RGP1: variants seen among roughly 807,000 people sequenced by gnomAD.
RGP1 encodes RAB6A-GEF complex partner protein 2.
A neutral mutation model predicts 44.5 loss-of-function variants in RGP1; 28 were observed. That is an observed-to-expected ratio of 0.63 (90% CI 0.47 to 0.86). RGP1 has a LOEUF of 0.86. Ranked by LOEUF, RGP1 falls within the 40% of genes least tolerant of loss-of-function variation. The pLI, the probability that RGP1 is intolerant of heterozygous loss-of-function variation, is 0.00. For synonymous variants in RGP1, 212 were observed against 196.7 expected (o/e 1.08, Z -0.65); for missense variants, 417 against 490.7 (o/e 0.85, Z 1.42).
In RGP1 at chr9:35,753,591, G is replaced by T; in HGVS notation, c.*717G>T. The T allele has an allele frequency of 7.6e-7, 1 of 1,315,958 alleles. No individual in the cohort carries two copies. Among genetic ancestry groups the T allele is most frequent in the Non-Finnish European group, 1.1e-6 (1 of 927,544 alleles). 81.5% of individuals were successfully genotyped at this position (1,315,958 alleles called of 1,614,324 possible). On this transcript the variant is annotated 3_prime_UTR_variant, in exon 9 of 9. Transcript: ENST00000378078. This position sits in a 1 kb window ranked among gnomAD's most constrained non-coding sequence, Gnocchi z 4.2. ...TTCATTCTTACATCACAGCAATCTA[G>T]TCACTCCCTGGTCATCCCTCAGTCA...
At chr9:35,751,582 A>C in intron 6 of RGP1, 45 bp from the exon 7 acceptor site, 1 of 1,613,224 alleles carries the variant, frequency 6.2e-7, no homozygotes. Flanking sequence ...CCTAGACGTT[A>C]TCCAGTATGT....
In RGP1 at chr9:35,753,700, A is replaced by G; in HGVS notation, c.*826A>G. 6.2e-7 allele frequency: 1 copy of G among 1,614,154 alleles called. No homozygotes were observed. Among genetic ancestry groups the G allele is most frequent in the South Asian group, 1.1e-5 (1 of 91,080 alleles). On this transcript the variant is annotated 3_prime_UTR_variant, in exon 9 of 9. Transcript: ENST00000378078. This position sits in a 1 kb window ranked among gnomAD's most constrained non-coding sequence, Gnocchi z 4.2. ...ACGCCAACAGGATGCAGACAGGTGC[A>G]ATGGAAACAGTCCTTGCGGAGCCAA...
chr9:35,764,441 G>T, the RGP1 span, among the ~76,000 whole-genome samples: 5 of 152,176 alleles, frequency 3.3e-5, no homozygotes, highest in African/African-American at 1.2e-4. Flanking sequence ...ATAATGATTT[G>T]TTGGCCAGCT....
At chr9:35,751,109 G>A (rs1478573070) in intron 5 of RGP1, 120 bp downstream of exon 5, 22 of 1,463,862 alleles carry the variant, frequency 1.5e-5, no homozygotes, top group Non-Finnish European at 2.1e-5. Flanking sequence ...CAGTGCTAGG[G>A]AGTTGGGAAG....
chr9:35,751,172 C>T (rs1362573017), intron 5 of RGP1, 94 bp from the exon 6 acceptor site: 37 of 1,519,328 alleles, frequency 2.4e-5, no homozygotes, highest in Non-Finnish European at 3.2e-5. Flanking sequence ...GCACCCCTTA[C>T]CTTTAGCCAT....
At chr9:35,770,439 A>G in the RGP1 span, among the ~76,000 whole-genome samples, 1 of 148,980 alleles carries the variant, frequency 6.7e-6, no homozygotes, top group African/African-American at 2.5e-5. Context: ...CTGGTGATTC[A>G]TTCTTGGCAC....
At chr9:35,782,593 G>A in the RGP1 span, among the ~76,000 whole-genome samples, 5 of 152,050 alleles carry the variant, frequency 3.3e-5, no homozygotes, top group Non-Finnish European at 4.4e-5. Flanking sequence ...TCACAGGCGC[G>A]TGCCATCGCG....
At chr9:35,786,710 C>T in the RGP1 span, 3 of 152,190 alleles carry the variant, frequency 2.0e-5, no homozygotes, top group Non-Finnish European at 4.4e-5. Context: ...TGTATTTTCA[C>T]AAAGCTGATA....
At position 35,749,324 on chromosome 9, in the gene RGP1, C is replaced by A. The variant is rs747006242; in HGVS notation, c.-104C>A. 5.7e-6 allele frequency: 3 copies of A among 527,354 alleles called. No homozygotes were observed. Among genetic ancestry groups the A allele is most frequent in the Middle Eastern group, 3.3e-4 (1 of 3,074 alleles). The allele number at this position is 527,354 out of a possible 1,614,324, so 32.7% of individuals were successfully genotyped here. ...ACCGCCCAGCGGACGCCGCCGCCGC[C>A]GCCGCCGCCGCGTACCTAGCCAGGT... is the stretch of plus-strand genomic sequence containing the variant. On this transcript the variant is annotated 5_prime_UTR_variant, in exon 1 of 9. Transcript: ENST00000378078. This position sits in a 1 kb window ranked among gnomAD's most constrained non-coding sequence, Gnocchi z 4.4.
At chr9:35,782,077 C>G in the RGP1 span, among the ~76,000 whole-genome samples, 3 of 148,972 alleles carry the variant, frequency 2.0e-5, no homozygotes, top group African/African-American at 7.4e-5. Flanking sequence ...ACCTCCCCCT[C>G]CCGGGTTCCA....
the RGP1 span, among the ~76,000 whole-genome samples, chr9:35,773,514 T>C: frequency 2.0e-5 from 3 of 152,142 alleles, no homozygotes; most frequent in African/African-American, 7.2e-5. Flanking sequence ...TTTTTCTTTT[T>C]TTTTTTGAGA....
At chr9:35,778,195 G>A in the RGP1 span, among the ~76,000 whole-genome samples, 2 of 152,090 alleles carry the variant, frequency 1.3e-5, no homozygotes, top group African/African-American at 4.8e-5. Context: ...CCAGCTACTC[G>A]GGAGGCTGAG....
the RGP1 span, among the ~76,000 whole-genome samples, chr9:35,769,353 C>T: frequency 2.0e-5 from 3 of 152,304 alleles, no homozygotes; most frequent in East Asian, 5.8e-4. Flanking sequence ...AGGAGCTCAA[C>T]CCACCCTGAT....
Position 35,754,170 on chromosome 9 carries a change from T to C in RGP1, c.*1296T>C. ...CTCTCAGACCCTTCTTGGCCTCTGC[T>C]CAGCTACTCTGGTCTTGACTCCTTG... On this transcript the variant is annotated 3_prime_UTR_variant, in exon 9 of 9. Transcript: ENST00000378078. 6.3e-7 allele frequency: 1 copy of C among 1,586,368 alleles called. No individual in the cohort carries two copies. Among genetic ancestry groups the C allele is most frequent in the Non-Finnish European group, 8.6e-7 (1 of 1,164,550 alleles).
Position 35,753,957 on chromosome 9 carries a change from C to T in RGP1, c.*1083C>T. The T allele has an allele frequency of 1.3e-6, 2 of 1,590,816 alleles. No homozygotes were observed. Among genetic ancestry groups the T allele is most frequent in the Non-Finnish European group, 1.7e-6 (2 of 1,165,354 alleles). On this transcript the variant is annotated 3_prime_UTR_variant, in exon 9 of 9. Coordinates refer to ENST00000378078, the MANE Select transcript of RGP1 (RefSeq NM_001080496.3). This position sits in a 1 kb window ranked among gnomAD's most constrained non-coding sequence, Gnocchi z 4.2. ...TGTAAGGCCCCATCCTCCCTGTGCC[C>T]TCTCTGCTGCTCCTCCATTCCTAAC...
intron 7 of RGP1, 31 bp from the exon 8 acceptor site, chr9:35,751,925 C>T (rs751986293): frequency 6.4e-7 from 1 of 1,559,998 alleles, no homozygotes; most frequent in Admixed American, 1.8e-5. Flanking sequence ...ACAGCACTTC[C>T]TGTTAGCACA....
At chr9:35,777,104 A>T in the RGP1 span, among the ~76,000 whole-genome samples, 1 of 148,968 alleles carries the variant, frequency 6.7e-6, no homozygotes, top group African/African-American at 2.5e-5. Flanking sequence ...TTATACATGA[A>T]GTTATCTAAA....
Position 35,753,961 on chromosome 9 carries a change from C to G in RGP1, c.*1087C>G. 1.3e-6 allele frequency: 2 copies of G among 1,593,930 alleles called. No homozygotes were observed. Among genetic ancestry groups the G allele is most frequent in the Non-Finnish European group, 1.7e-6 (2 of 1,167,116 alleles). ...AGGCCCCATCCTCCCTGTGCCCTCTCTGCTGCTCCTCCATTCCTAACGCTT... is the reference window on the plus strand; with the variant it reads ...AGGCCCCATCCTCCCTGTGCCCTCTGTGCTGCTCCTCCATTCCTAACGCTT... On this transcript the variant is annotated 3_prime_UTR_variant, in exon 9 of 9. Transcript: ENST00000378078. The surrounding 1 kb of genome is among the most constrained non-coding windows in gnomAD (Gnocchi z 4.2).
At chr9:35,785,606 G>A in the RGP1 span, among the ~76,000 whole-genome samples, 1 of 152,150 alleles carries the variant, frequency 6.6e-6, no homozygotes, top group Admixed American at 6.5e-5. Flanking sequence ...CATCGTGGAG[G>A]CTGGACTGGA....
Sources: gnomAD v4.1 joint callset for allele counts (sites outside exome capture counted in the v4.1 genomes callset) on GRCh38, gnomAD v4.1.1 for gene constraint, Gnocchi (gnomAD v3.1) non-coding constraint, MANE v1.5 for transcripts, NCBI Gene and HGNC (gene_info 2026-07-23, HGNC 2026-07-21) for gene names.